Variants in PCDH15 observed in about 807,000 individuals in gnomAD.
PCDH15 encodes protocadherin-15.
PCDH15 carries 129 observed loss-of-function variants against 178.5 expected under a neutral mutation model. That is an observed-to-expected ratio of 0.72 (90% CI 0.63 to 0.84). The LOEUF is 0.84. PCDH15 is among the 40% of genes least tolerant of loss of function. PCDH15 has a pLI of 0.00. For missense variants in PCDH15, 2,230 were observed against 2,099.9 expected (o/e 1.06, Z -1.21); for synonymous variants, 800 against 732.0 (o/e 1.09, Z -1.50).
At position 54,987,878 on chromosome 10, in the gene PCDH15, T is replaced by C. The variant is rs1204972982; in HGVS notation, c.-79-90378A>G. 2.0e-5 allele frequency among the ~76,000 whole-genome samples: 3 copies of C among 152,188 alleles called. No homozygotes were observed. In the East Asian group the frequency reaches 5.8e-4, roughly 29 times the overall value. ...GCTCTTTAGTTTAATTAGATCTCAT[T>C]TGTCAATTTTGCCTTTTGTTGCAAT... On this transcript the variant is annotated intron_variant, in intron 2 of 5. Transcript: ENST00000458638.
At chr10:55,449,102 G>T (rs527866154) in intron 2 of PCDH15, among the ~76,000 whole-genome samples, 2 of 151,876 alleles carry the variant, frequency 1.3e-5, no homozygotes, top group Non-Finnish European at 2.9e-5. Context: ...CTCATTAAAG[G>T]TTGCCTTTAA....
In PCDH15 at chr10:54,655,256, A is replaced by AAGAGAGAGAGAGAGAGAG. The variant is rs1173377441; in HGVS notation, c.91+8898_91+8915dup. 3.3e-3 allele frequency among the ~76,000 whole-genome samples: 160 copies of AAGAGAGAGAGAGAGAGAG among 48,800 alleles called. 2 individuals are homozygous for AAGAGAGAGAGAGAGAGAG. Among genetic ancestry groups the AAGAGAGAGAGAGAGAGAG allele is most frequent in the Admixed American group, 6.3e-3 (23 of 3,658 alleles). 32.0% of individuals were successfully genotyped at this position (48,800 alleles called of 152,430 possible). ...AGGAAGGGAAAGAAAGAAAGAAAGA[A>AAGAGAGAGAGAGAGAGAG]AGAGAGAGAGAGAGAGAGAGAGAGA... is the stretch of plus-strand genomic sequence containing the variant. On this transcript the variant is annotated intron_variant, in intron 2 of 37. Transcript: ENST00000644397.
In PCDH15 at chr10:55,360,494, C is replaced by T. The variant is rs115216669; in HGVS notation, c.-155-193843G>A. 5.6e-3 allele frequency among the ~76,000 whole-genome samples: 849 copies of T among 151,856 alleles called. 10 individuals are homozygous for T. The highest frequency in any genetic ancestry group is 0.02 in the African/African-American group (810 of 41,466). On this transcript the variant is annotated intron_variant, in intron 2 of 5. Coordinates refer to the PCDH15 transcript ENST00000613346. ...GGAAAAAAATTGTATATCTAGGAAA[C>T]ATATGTAACAACAACAAAACAACAA...
At chr10:54,078,749 T>C (rs1366956122) in intron 17 of PCDH15, among the ~76,000 whole-genome samples, 1 of 98,092 alleles carries the variant, frequency 1.0e-5, no homozygotes, top group Non-Finnish European at 2.3e-5. Context: ...TCAGAATGTC[T>C]AACAATTTTT....
intron 2 of PCDH15, among the ~76,000 whole-genome samples, chr10:54,996,267 C>T (rs1839641474): frequency 6.6e-6 from 1 of 152,140 alleles, no homozygotes; most frequent in Admixed American, 6.6e-5. Flanking sequence ...GAAGAATAGC[C>T]TTTGACATTT....
chr10:54,038,162 T>C (rs536770799), intron 18 of PCDH15, among the ~76,000 whole-genome samples: 2 of 152,048 alleles, frequency 1.3e-5, no homozygotes, highest in South Asian at 4.1e-4. Context: ...ATGAACTAAT[T>C]CTTCTGAGAT....
At position 54,122,002 on chromosome 10, in the gene PCDH15, T is replaced by TACACACACACACACAC. The variant is rs57135050; in HGVS notation, c.1917+10857_1917+10872dup. Among the ~76,000 whole-genome samples the TACACACACACACACAC allele has an allele frequency of 8.8e-3, 1,295 of 146,424 alleles. 20 individuals are homozygous for TACACACACACACACAC. Among genetic ancestry groups the TACACACACACACACAC allele is most frequent in the African/African-American group, 0.03 (1,188 of 39,430 alleles). On this transcript the variant is annotated intron_variant, in intron 15 of 37. Transcript: ENST00000644397. ...AATATCTAAACCGGGCAAAGACACA[T>TACACACACACACACAC]ACACACACACACACACACACACACA...
chr10:55,404,715 A>T (rs1412318887), intron 2 of PCDH15, among the ~76,000 whole-genome samples: 1 of 151,944 alleles, frequency 6.6e-6, no homozygotes, highest in Non-Finnish European at 1.5e-5. Context: ...TATGTTTAAC[A>T]TTTGAATGTA....
intron 3 of PCDH15, among the ~76,000 whole-genome samples, chr10:54,826,970 T>C (rs1953142110): frequency 6.6e-6 from 1 of 152,096 alleles, no homozygotes; most frequent in Non-Finnish European, 1.5e-5. Flanking sequence ...GAGTTGTCTA[T>C]TGAGATGAGA....
chr10:54,279,223 A>C, intron 8 of PCDH15, among the ~76,000 whole-genome samples: 1 of 151,616 alleles, frequency 6.6e-6, no homozygotes, highest in East Asian at 1.9e-4. Context: ...TTTTGTGGGC[A>C]CAATCATACA....
intron 8 of PCDH15, among the ~76,000 whole-genome samples, chr10:54,301,901 T>A (rs1360497979): frequency 6.6e-6 from 1 of 152,226 alleles, no homozygotes; most frequent in South Asian, 2.1e-4. Context: ...CTGTCTTTTC[T>A]CATTTATCTT....
At chr10:55,008,681 T>C (rs1409705405) in intron 2 of PCDH15, among the ~76,000 whole-genome samples, 1 of 152,076 alleles carries the variant, frequency 6.6e-6, no homozygotes, top group African/African-American at 2.4e-5. Flanking sequence ...AGTAAATCCG[T>C]GGACTCAAAG....
intron 1 of PCDH15, among the ~76,000 whole-genome samples, chr10:54,768,018 T>G (rs1948706597): frequency 6.6e-6 from 1 of 152,202 alleles, no homozygotes; most frequent in Non-Finnish European, 1.5e-5. Context: ...GGAAAAATGT[T>G]ACTAATAGGT....
At chr10:54,469,644 C>G (rs976510025) in intron 3 of PCDH15, among the ~76,000 whole-genome samples, 3 of 152,260 alleles carry the variant, frequency 2.0e-5, no homozygotes, top group Admixed American at 6.5e-5. Flanking sequence ...TACACTAGCA[C>G]TGGTGTCAGC....
chr10:54,707,063 G>A (rs756875416), intron 1 of PCDH15, among the ~76,000 whole-genome samples: 4 of 152,128 alleles, frequency 2.6e-5, no homozygotes, highest in Non-Finnish European at 4.4e-5. Context: ...TAAGAGATGT[G>A]GAACACTGTA....
At chr10:54,511,053 A>G (rs1451500164) in intron 3 of PCDH15, among the ~76,000 whole-genome samples, 1 of 152,162 alleles carries the variant, frequency 6.6e-6, no homozygotes, top group East Asian at 1.9e-4. Flanking sequence ...AAGAAGCATG[A>G]TTTTACCGTT....
chr10:55,019,850 C>T (rs1216418407), intron 2 of PCDH15, among the ~76,000 whole-genome samples: 1 of 151,958 alleles, frequency 6.6e-6, no homozygotes, highest in African/African-American at 2.4e-5. Flanking sequence ...TGTTTCAATA[C>T]TCAACACAAT....
intron 2 of PCDH15, among the ~76,000 whole-genome samples, chr10:55,554,356 A>G (rs1842050875): frequency 6.6e-6 from 1 of 152,066 alleles, no homozygotes; most frequent in Non-Finnish European, 1.5e-5. Context: ...AATAGACTAT[A>G]TTGATAGTTT....
chr10:54,554,287 G>A (rs572425323), intron 2 of PCDH15, among the ~76,000 whole-genome samples: 8 of 152,152 alleles, frequency 5.3e-5, no homozygotes, highest in Admixed American at 3.3e-4. Flanking sequence ...ACATCAACAA[G>A]CTTCTTATAG....
Sources: gnomAD v4.1 joint callset for allele counts (sites outside exome capture counted in the v4.1 genomes callset) on GRCh38, gnomAD v4.1.1 for gene constraint, MANE v1.5 for transcripts, NCBI Gene and HGNC (gene_info 2026-07-23, HGNC 2026-07-21) for gene names.